Variants in DIP2C observed in about 807,000 individuals in gnomAD.
The protein encoded by DIP2C is DIP2 acetate--CoA ligase C (putative), also known as disco-interacting protein 2 homolog C.
Under a neutral mutation model 192.4 loss-of-function variants are expected in DIP2C, and 33 were observed. The observed-to-expected ratio is 0.17, with a 90% CI of 0.13 to 0.23. The LOEUF (loss-of-function observed/expected upper bound fraction) is 0.23. Ranked by LOEUF, DIP2C falls within the 10% of genes least tolerant of loss-of-function variation. The pLI, the probability that DIP2C is intolerant of heterozygous loss-of-function variation, is 1.00. For synonymous variants in DIP2C, 979 were observed against 864.1 expected, an observed-to-expected ratio of 1.13 and a Z score of -2.33; for missense variants, 1,537 against 2,110.1, an observed-to-expected ratio of 0.73 and a Z score of 5.32.
intron 9 of DIP2C, among the ~76,000 whole-genome samples, chr10:406,537 C>CATCTTGCTTCTA (rs141158274): frequency 0.017 from 2,536 of 152,290 alleles, 75 homozygotes; most frequent in African/African-American, 0.058. Flanking sequence ...TAACCAACTC[C>CATCTTGCTTCTA]ATCTTGCTTC....
At chr10:473,464 C>A (rs1474795281) in intron 2 of DIP2C, among the ~76,000 whole-genome samples, 1 of 151,686 alleles carries the variant, frequency 6.6e-6, no homozygotes, top group African/African-American at 2.4e-5. Flanking sequence ...GTCATCCCCA[C>A]AGTTCTGTGA....
At chr10:665,381 T>C (rs1434719798) in intron 1 of DIP2C, 2 of 152,160 alleles carry the variant, frequency 1.3e-5, no homozygotes, top group African/African-American at 4.8e-5. Flanking sequence ...AAACGGGGGA[T>C]AGGTAATAAA....
chr10:351,759 G>A (rs1389595961), intron 24 of DIP2C, among the ~76,000 whole-genome samples: 1 of 152,158 alleles, frequency 6.6e-6, no homozygotes, highest in East Asian at 1.9e-4. Context: ...CTGTTCCTCT[G>A]AGCATTTACT....
chr10:575,489 G>A (rs968852317), intron 1 of DIP2C, among the ~76,000 whole-genome samples: 2 of 152,164 alleles, frequency 1.3e-5, no homozygotes, highest in East Asian at 1.9e-4. Context: ...AAACGCAAAA[G>A]TCTCTCAACT....
At chr10:296,107 A>G (rs1242950394) in intron 32 of DIP2C, among the ~76,000 whole-genome samples, 4 of 152,216 alleles carry the variant, frequency 2.6e-5, no homozygotes. Flanking sequence ...TTTGCTGTGC[A>G]GAAGCTCTTT....
intron 1 of DIP2C, among the ~76,000 whole-genome samples, chr10:495,491 TCCTC>T (rs1844761888): frequency 6.6e-6 from 1 of 151,878 alleles, no homozygotes; most frequent in African/African-American, 2.4e-5. Flanking sequence ...CTTCCCCTCC[TCCTC>T]CCTAAAAACT....
chr10:552,604 A>G (rs1848645196), intron 1 of DIP2C, among the ~76,000 whole-genome samples: 1 of 152,254 alleles, frequency 6.6e-6, no homozygotes, highest in African/African-American at 2.4e-5. Context: ...TAATCCCAGC[A>G]CTTTGGGAGG....
Position 363,290 on chromosome 10 carries a change from G to A in DIP2C, c.2499C>T (p.Thr833=), listed in dbSNP as rs777687929. The A allele has an allele frequency of 1.6e-5, 25 of 1,611,770 alleles. No homozygotes were observed. Among genetic ancestry groups the A allele is most frequent in the Middle Eastern group, 3.3e-4 (2 of 6,084 alleles). The change falls in exon 21 of 37, where the codon ACC becomes ACT. Residue 833 remains threonine, a synonymous_variant. Coordinates refer to ENST00000280886, the MANE Select transcript of DIP2C (RefSeq NM_014974.3). This position sits in a 1 kb window ranked among gnomAD's most constrained non-coding sequence, Gnocchi z 5.4. ...TCACGATCCTCTCGTCGTGCAGCAC[G>A]GTCACCGAGAACACGGCTATCCTGC... ...YRGRIAVFSV[T]VLHDERIVIV... is the part of the protein sequence containing the mutation.
At chr10:534,667 TATTA>T (rs1438899165) in intron 1 of DIP2C, among the ~76,000 whole-genome samples, 4 of 126,782 alleles carry the variant, frequency 3.2e-5, no homozygotes, top group East Asian at 2.1e-4. Context: ...GCTGGATGAT[TATTA>T]TTTTTTTTTT....
chr10:366,218 G>A, intron 19 of DIP2C, 57 bp downstream of exon 19: 5 of 1,596,018 alleles, frequency 3.1e-6, no homozygotes, highest in Non-Finnish European at 3.4e-6. Context: ...ACCTGGCAAG[G>A]GCTCTTTGGA....
At chr10:445,360 G>T (rs1022487456) in intron 3 of DIP2C, among the ~76,000 whole-genome samples, 2 of 151,582 alleles carry the variant, frequency 1.3e-5, no homozygotes, top group African/African-American at 4.9e-5. Context: ...GTATACATCT[G>T]TTGTGAAGAG....
At chr10:306,941 C>G (rs995383194) in intron 32 of DIP2C, among the ~76,000 whole-genome samples, 1 of 152,198 alleles carries the variant, frequency 6.6e-6, no homozygotes, top group African/African-American at 2.4e-5. Context: ...ATGGAGAAGT[C>G]GGAGTCATGC....
At chr10:329,700 G>A (rs1957418423) in intron 29 of DIP2C, 99 bp from the exon 30 acceptor site, 1 of 1,443,738 alleles carries the variant, frequency 6.9e-7, no homozygotes, top group Non-Finnish European at 9.3e-7. Flanking sequence ...AGGAAAAGGA[G>A]GACTTGGAAC....
intron 1 of DIP2C, among the ~76,000 whole-genome samples, chr10:577,600 C>G (rs1850250134): frequency 6.6e-6 from 1 of 152,184 alleles, no homozygotes. Flanking sequence ...GATGAAGGGC[C>G]CCAGCCCTGC....
intron 1 of DIP2C, among the ~76,000 whole-genome samples, chr10:609,039 C>T (rs1358579051): frequency 6.6e-6 from 1 of 151,840 alleles, no homozygotes; most frequent in Non-Finnish European, 1.5e-5. Context: ...CATCACTTTA[C>T]CAGTATAGTC....
intron 1 of DIP2C, among the ~76,000 whole-genome samples, chr10:594,023 T>G (rs982977419): frequency 3.3e-5 from 5 of 151,528 alleles, no homozygotes; most frequent in African/African-American, 9.8e-5. Context: ...CAATTCAGGG[T>G]GTGTTCACCG....
chr10:354,932 A>T (rs1959004918), intron 24 of DIP2C, among the ~76,000 whole-genome samples: 1 of 151,880 alleles, frequency 6.6e-6, no homozygotes, highest in South Asian at 2.1e-4. Flanking sequence ...AGAGATGGGC[A>T]GGAAATCAAG....
At chr10:653,423 G>A (rs1266873721) in intron 1 of DIP2C, among the ~76,000 whole-genome samples, 3 of 152,132 alleles carry the variant, frequency 2.0e-5, no homozygotes, top group Non-Finnish European at 4.4e-5. Flanking sequence ...ACTCCAGCCG[G>A]GGTGACAGAG....
intron 36 of DIP2C, 69 bp downstream of exon 36, chr10:281,131 T>C: frequency 6.3e-7 from 1 of 1,590,826 alleles, no homozygotes; most frequent in Admixed American, 1.7e-5. Flanking sequence ...ACCGCCGTGC[T>C]CTCCACATTC....
Sources: gnomAD v4.1 joint callset for allele counts (sites outside exome capture counted in the v4.1 genomes callset) on GRCh38, gnomAD v4.1.1 for gene constraint, Gnocchi (gnomAD v3.1) non-coding constraint, MANE v1.5 for transcripts, NCBI Gene and HGNC (gene_info 2026-07-23, HGNC 2026-07-21) for gene names.